The following WBP11 variants were observed in gnomAD, a reference collection of about 807,000 sequenced individuals.
WBP11 encodes WW domain-binding protein 11.
In WBP11, 12 loss-of-function variants were observed where a neutral mutation model predicts 66.7. That is an observed-to-expected ratio of 0.18 (90% confidence interval 0.12 to 0.29). The LOEUF (loss-of-function observed/expected upper bound fraction) is 0.29, where lower values mean the gene tolerates loss of function less well. WBP11 is among the 10% of genes least tolerant of loss of function. The pLI is 1.00. For synonymous variants in WBP11, 255 were observed against 273.8 expected, an observed-to-expected ratio of 0.93 and a Z score of 0.68; for missense variants, 555 against 818.3, an observed-to-expected ratio of 0.68 and a Z score of 3.93.
intron 10 of WBP11, among the ~76,000 whole-genome samples, chr12:14,789,659 C>A (rs528286025): frequency 2.1e-4 from 32 of 152,136 alleles, no homozygotes; most frequent in African/African-American, 7.5e-4. Flanking sequence ...TATTTCCCAA[C>A]ACTGACAAAA....
intron 7 of WBP11, 29 bp downstream of exon 7, chr12:14,794,508 A>G: frequency 6.2e-7 from 1 of 1,611,612 alleles, no homozygotes; most frequent in Non-Finnish European, 8.5e-7. Flanking sequence ...AATGATAGTT[A>G]TAAAAGCAAA....
chr12:14,787,315 G>A lies in WBP11; in HGVS notation c.1676C>T (p.Thr559Ile). Residue 559 changes from threonine to isoleucine, a missense_variant, in exon 12 of 12, where the codon ACA (threonine) becomes ATA (isoleucine). By Grantham distance (89) the Thr-to-Ile change is moderately conservative. Coordinates refer to ENST00000261167, the MANE Select transcript of WBP11 (RefSeq NM_016312.3). ...TSAATIEKKA[T>I]ATISAKPQIT... ...CTGTGGCTTGGCACTGATGGTTGCT[G>A]TGGCTTTCTTCTCAATGGTGGCTGC... 1 of 1,614,140 alleles carries A rather than the reference G, an allele frequency of 6.2e-7. No individual in the cohort carries two copies. Among genetic ancestry groups the A allele is most frequent in the Non-Finnish European group, 8.5e-7 (1 of 1,180,000 alleles).
At chr12:14,793,302 T>A (rs1243387880) in intron 8 of WBP11, among the ~76,000 whole-genome samples, 1 of 152,186 alleles carries the variant, frequency 6.6e-6, no homozygotes, top group East Asian at 1.9e-4. Flanking sequence ...ATTCCACTCA[T>A]GAGTGTACCT....
intron 5 of WBP11, 65 bp from the exon 6 acceptor site, chr12:14,795,169 A>G: frequency 6.8e-7 from 1 of 1,460,404 alleles, no homozygotes; most frequent in Non-Finnish European, 9.0e-7. Flanking sequence ...ACTAAAAATG[A>G]CAAGTCAGCT....
rs749003963 is a variant in WBP11 at position 14,788,965 on chromosome 12, G to A, written c.1478C>T (p.Pro493Leu). 1 of 1,457,704 alleles carries A rather than the reference G, an allele frequency of 6.9e-7. No homozygotes were observed. The highest frequency in any genetic ancestry group is 1.6e-5 in the South Asian group (1 of 64,448). The allele number at this position is 1,457,704 out of a possible 1,614,324, so 90.3% of individuals were successfully genotyped here. Reference protein sequence around the residue: ...PPRGPPPRLPPPAPPGIPPPR... With the variant: ...PPRGPPPRLPLPAPPGIPPPR... ...GAAAGCATCACCTGGAGGTGCAGGG[G>A]GAGGTAGCCTTGGTGGGGGTCCACG... is the stretch of plus-strand genomic sequence containing the variant. The change falls in exon 11 of 12, where the codon CCC (proline) becomes CTC (leucine). Residue 493 changes from proline (P) to leucine (L), a missense_variant. By Grantham distance (98) the Pro-to-Leu change is moderately conservative (BLOSUM62 -3). This residue lies in a region of WBP11 where 230 missense variants were observed against 286.3 expected (regional missense o/e 0.80). Coordinates refer to ENST00000261167, the MANE Select transcript of WBP11 (RefSeq NM_016312.3).
intron 7 of WBP11, among the ~76,000 whole-genome samples, 191 bp downstream of exon 7, chr12:14,794,346 A>C (rs944327278): frequency 6.6e-6 from 1 of 152,128 alleles, no homozygotes; most frequent in African/African-American, 2.4e-5. Flanking sequence ...AAACACGATA[A>C]ACATTTCTAT....
chr12:14,801,378 T>C lies in WBP11; in HGVS notation c.6A>G (p.Gly2=), dbSNP rs751697427. 29 of 1,612,836 alleles carry C rather than the reference T, an allele frequency of 1.8e-5. No homozygotes were observed. In the Middle Eastern group the frequency reaches 5.2e-4, roughly 29 times the overall value. M[G]RRSTSSTKSG... is the part of the protein sequence containing the mutation. The stretch of plus-strand genomic sequence containing the variant: ...TCTTGGTGGATGATGTAGATCTCCG[T>C]CCCATGTTGACAATTTGTATGGTTT... Residue 2 remains glycine, a synonymous_variant, in exon 2 of 12, where the codon GGA becomes GGG. Transcript: ENST00000261167.
chr12:14,788,011 T>G (rs1592214689), intron 11 of WBP11, among the ~76,000 whole-genome samples: 1 of 151,806 alleles, frequency 6.6e-6, no homozygotes, highest in African/African-American at 2.4e-5. Context: ...CTGAGGCGGG[T>G]GGATCATTTG....
At position 14,790,482 on chromosome 12, in the gene WBP11, G is replaced by A. The variant is rs1949808145; in HGVS notation, c.1283C>T (p.Thr428Ile). The A allele has an allele frequency of 6.2e-6, 10 of 1,613,954 alleles. No individual in the cohort carries two copies. Among genetic ancestry groups the A allele is most frequent in the Non-Finnish European group, 8.5e-6 (10 of 1,179,824 alleles). The change falls in exon 10 of 12, where the codon ACA becomes ATA. Residue 428 changes from threonine to isoleucine, a missense_variant. Physicochemically the swap from Thr to Ile is moderately conservative, Grantham distance 89. Around this residue, in one of 6 missense-constraint regions of WBP11, gnomAD observed 230 missense variants for 286.3 expected, o/e 0.80. Transcript: ENST00000261167. Reference sequence around the variant, plus strand: ...TGGAGGTGGACCAGGAGGAAGGCCTGTAGGTGGCCCAGGAGGCCGTAATGG... The same window carrying A: ...TGGAGGTGGACCAGGAGGAAGGCCTATAGGTGGCCCAGGAGGCCGTAATGG... ...APPLRPPGPP[T>I]GLPPGPPPGA...
In WBP11 at chr12:14,790,546, T is replaced by C. The variant is rs1458108424; in HGVS notation, c.1219A>G (p.Met407Val). Reference sequence around the variant, plus strand: ...GGTCCAAGAGGTGGTGGTCCTGGCATGGGAGGTGCTTGTATCTGAGAAGGA... The same window carrying C: ...GGTCCAAGAGGTGGTGGTCCTGGCACGGGAGGTGCTTGTATCTGAGAAGGA... ...VPPSQIQAPPMPGPPPLGPPP... is the reference protein window; with the variant it reads ...VPPSQIQAPPVPGPPPLGPPP... Residue 407 changes from methionine to valine, a missense_variant, in exon 10 of 12, where the codon ATG (methionine) becomes GTG (valine). Coordinates refer to ENST00000261167, the MANE Select transcript of WBP11 (RefSeq NM_016312.3). 6.2e-7 allele frequency: 1 copy of C among 1,613,876 alleles called. No homozygotes were observed. The highest frequency in any genetic ancestry group is 8.5e-7 in the Non-Finnish European group (1 of 1,179,870).
At chr12:14,792,357 T>C (rs1448731405) in intron 8 of WBP11, among the ~76,000 whole-genome samples, 3 of 152,190 alleles carry the variant, frequency 2.0e-5, no homozygotes, top group Non-Finnish European at 4.4e-5. Context: ...GGAGTATTTT[T>C]AGTTGGTAAA....
rs747468762 is a variant in WBP11 at position 14,787,497 on chromosome 12, A to G, written c.1494T>C (p.Gly498=). 2 of 1,498,476 alleles carry G rather than the reference A, an allele frequency of 1.3e-6. No homozygotes were observed. Among genetic ancestry groups the G allele is most frequent in the South Asian group, 1.4e-5 (1 of 70,110 alleles). The allele number at this position is 1,498,476 out of a possible 1,614,324, so 92.8% of individuals were successfully genotyped here. The change falls in exon 12 of 12, where the codon GGT becomes GGC. Residue 498 remains glycine (G), a splice_region_variant and synonymous_variant. Coordinates refer to ENST00000261167, the MANE Select transcript of WBP11 (RefSeq NM_016312.3). ...PPRLPPPAPP[G]IPPPRPGMMR... is the part of the protein sequence containing the mutation. ...TCATGCCAGGACGAGGTGGAGGAATACCTAAATGAATAAAATAGGCAAGAT... is the reference window on the plus strand; with the variant it reads ...TCATGCCAGGACGAGGTGGAGGAATGCCTAAATGAATAAAATAGGCAAGAT...
chr12:14,794,148 TA>T (rs1292735383), intron 7 of WBP11, among the ~76,000 whole-genome samples: 1 of 152,200 alleles, frequency 6.6e-6, no homozygotes, highest in Non-Finnish European at 1.5e-5. Context: ...AAGATTTTTT[TA>T]AAAAGAGTTC....
At chr12:14,799,942 T>C (rs1422949279) in intron 3 of WBP11, among the ~76,000 whole-genome samples, 1 of 152,214 alleles carries the variant, frequency 6.6e-6, no homozygotes, top group Non-Finnish European at 1.5e-5. Context: ...TAGTAAAGTA[T>C]TTCTTTGAAC....
chr12:14,790,011 C>G (rs570027528), intron 10 of WBP11, among the ~76,000 whole-genome samples: 1 of 152,168 alleles, frequency 6.6e-6, no homozygotes, highest in African/African-American at 2.4e-5. Flanking sequence ...GACTAATCAC[C>G]TTTGCCTCTA....
chr12:14,792,639 C>A (rs897940861), intron 8 of WBP11, among the ~76,000 whole-genome samples: 3 of 151,998 alleles, frequency 2.0e-5, no homozygotes, highest in African/African-American at 4.8e-5. Context: ...TCGAAACCAG[C>A]CTGGCCAACA....
intron 1 of WBP11, among the ~76,000 whole-genome samples, chr12:14,802,633 A>C (rs544457595): frequency 7.1e-6 from 1 of 140,840 alleles, no homozygotes; most frequent in South Asian, 2.3e-4. Context: ...ATGGATCCAT[A>C]TTCCTGGCCT....
chr12:14,793,257 C>G (rs1949843163), intron 8 of WBP11, among the ~76,000 whole-genome samples: 1 of 152,120 alleles, frequency 6.6e-6, no homozygotes, highest in Non-Finnish European at 1.5e-5. Flanking sequence ...TTTTAATAAT[C>G]AAACACACAC....
chr12:14,800,685 C>G, intron 3 of WBP11, 67 bp downstream of exon 3: 1 of 1,391,266 alleles, frequency 7.2e-7, no homozygotes, highest in Non-Finnish European at 1.0e-6. Context: ...CTGAAACCCA[C>G]TAATCCCAAA....
Sources: allele counts gnomAD v4.1 joint callset (sites outside exome capture counted in the v4.1 genomes callset), GRCh38; gene constraint gnomAD v4.1.1; regional missense constraint gnomAD v4.1.1; transcripts MANE v1.5; gene names NCBI Gene and HGNC (gene_info 2026-07-23, HGNC 2026-07-21).